AXIN1: variants seen among roughly 807,000 people sequenced by gnomAD.
The protein encoded by AXIN1 is axin-1.
AXIN1 carries 30 observed loss-of-function variants against 76.4 expected under a neutral mutation model. The observed-to-expected ratio is 0.39, with a 90% CI of 0.29 to 0.53. AXIN1 has a LOEUF of 0.53. Ranked by LOEUF, AXIN1 falls within the 20% of genes least tolerant of loss-of-function variation. The pLI, the probability that AXIN1 is intolerant of heterozygous loss-of-function variation, is 0.66. For missense variants in AXIN1, 1,140 were observed against 1,198.8 expected, an observed-to-expected ratio of 0.95 and a Z score of 0.72; for synonymous variants, 545 against 501.4, an observed-to-expected ratio of 1.09 and a Z score of -1.16.
chr16:289,894 C>T (rs34966529), intron 9 of AXIN1: 81,620 of 540,668 alleles, frequency 0.15, 6,608 homozygotes, highest in South Asian at 0.21. Flanking sequence ...CTGCAGCTCC[C>T]ACCTCTAGGA....
intron 1 of AXIN1, among the ~76,000 whole-genome samples, 161 bp from the exon 2 acceptor site, chr16:347,267 A>T (rs2054051788): frequency 6.6e-6 from 1 of 151,892 alleles, no homozygotes; most frequent in African/African-American, 2.4e-5. Context: ...GGCCACAAGC[A>T]TAGTTCTACT....
In AXIN1 at chr16:326,372, A is replaced by ATT. The variant is rs1555483772; in HGVS notation, c.879-11690_879-11689insAA. On this transcript the variant is annotated intron_variant, in intron 2 of 10. Transcript: ENST00000262320. ...TCCGTCTCAAAAAAAAAAAAAAAAAAATATATATATATATATATATATACA... is the reference window on the plus strand; with the variant it reads ...TCCGTCTCAAAAAAAAAAAAAAAAAATTATATATATATATATATATATATACA... Among the ~76,000 whole-genome samples, 29 of 86,438 alleles carry ATT rather than the reference A, an allele frequency of 3.4e-4. 1 individual carries two copies. Among genetic ancestry groups the ATT allele is most frequent in the African/African-American group, 8.7e-4 (15 of 17,154 alleles). The allele number at this position is 86,438 out of a possible 152,430, so 56.7% of individuals were successfully genotyped here.
intron 10 of AXIN1, among the ~76,000 whole-genome samples, chr16:289,082 CT>C (rs1036143075): frequency 1.4e-3 from 147 of 104,490 alleles, no homozygotes; most frequent in Admixed American, 1.3e-3. Context: ...CCTTTTTCTT[CT>C]TTTTTTTTTT....
At chr16:343,907 G>A (rs985991172) in intron 2 of AXIN1, among the ~76,000 whole-genome samples, 2 of 151,616 alleles carry the variant, frequency 1.3e-5, no homozygotes, top group Admixed American at 6.6e-5. Flanking sequence ...TCGGGAGGCA[G>A]GAGAATCACT....
chr16:292,466 G>C (rs1016017397), intron 8 of AXIN1: 1 of 152,354 alleles, frequency 6.6e-6, no homozygotes, highest in East Asian at 1.9e-4. Context: ...GAACCCTGAT[G>C]CTGGTTCGGC....
intron 2 of AXIN1, among the ~76,000 whole-genome samples, chr16:335,898 A>G (rs1360012357): frequency 6.6e-6 from 1 of 152,252 alleles, no homozygotes; most frequent in Non-Finnish European, 1.5e-5. Flanking sequence ...CAAATGAAAA[A>G]AACGGCCATT....
At chr16:328,238 A>T (rs1366142280) in intron 2 of AXIN1, among the ~76,000 whole-genome samples, 1 of 152,072 alleles carries the variant, frequency 6.6e-6, no homozygotes, top group East Asian at 1.9e-4. Flanking sequence ...CAAAATATTT[A>T]AAAAATTAGC....
Position 293,432 on chromosome 16 carries a change from A to C in AXIN1, c.2186+56T>G. On this transcript the variant is annotated intron_variant, in intron 8 of 10. Coordinates refer to ENST00000262320, the MANE Select transcript of AXIN1 (RefSeq NM_003502.4). The surrounding 1 kb of genome is among the most constrained non-coding windows in gnomAD (Gnocchi z 4.6). The stretch of plus-strand genomic sequence containing the variant: ...TCAGGCCTCGGGGAGCTTCAGCCCC[A>C]GGAGTGGTGCTGTGGTAACCCCCAA... The C allele has an allele frequency of 7.1e-6, 11 of 1,551,930 alleles. No individual in the cohort carries two copies. The highest frequency in any genetic ancestry group is 9.7e-6 in the Non-Finnish European group (11 of 1,136,558).
In AXIN1 at chr16:346,694, C is replaced by G. The variant is rs779122737; in HGVS notation, c.332G>C (p.Cys111Ser). Residue 111 changes from cysteine to serine, a missense_variant, in exon 2 of 11, where the codon TGT becomes TCT. Around this residue, in one of 3 missense-constraint regions of AXIN1, gnomAD observed 708 missense variants for 776.9 expected, o/e 0.91. Coordinates refer to ENST00000262320, the MANE Select transcript of AXIN1 (RefSeq NM_003502.4). ...AAACCAGAAGTCCAGCAAGTCGGCA[C>G]AGCCCTCCTGCTTCAGGAAAGTCCT... Reference protein sequence around the residue: ...LFRTFLKQEGCADLLDFWFAC... With the variant: ...LFRTFLKQEGSADLLDFWFAC... 3 of 1,570,736 alleles carry G rather than the reference C, an allele frequency of 1.9e-6. No individual in the cohort carries two copies. Among genetic ancestry groups the G allele is most frequent in the Non-Finnish European group, 2.6e-6 (3 of 1,158,484 alleles).
intron 2 of AXIN1, among the ~76,000 whole-genome samples, chr16:339,290 T>C (rs572544007): frequency 1.3e-3 from 181 of 138,020 alleles, no homozygotes; most frequent in Non-Finnish European, 2.2e-3. Context: ...GATCACAAGG[T>C]CAGGAGATCG....
At chr16:343,233 G>T (rs1398278300) in intron 2 of AXIN1, among the ~76,000 whole-genome samples, 1 of 152,188 alleles carries the variant, frequency 6.6e-6, no homozygotes, top group Admixed American at 6.5e-5. Flanking sequence ...TAATTTCATA[G>T]CAAAGGTTCC....
At chr16:312,678 G>T (rs1383014127) in intron 3 of AXIN1, among the ~76,000 whole-genome samples, 1 of 150,936 alleles carries the variant, frequency 6.6e-6, no homozygotes, top group African/African-American at 2.5e-5. Context: ...AATTAAACGA[G>T]GATGAAAGAA....
intron 1 of AXIN1, among the ~76,000 whole-genome samples, chr16:347,776 C>T (rs371038108): frequency 1.3e-5 from 2 of 152,192 alleles, no homozygotes; most frequent in South Asian, 2.1e-4. Flanking sequence ...TCAGCCCCAT[C>T]GACCGAGGGA....
At chr16:290,686 G>A (rs2052531332) in intron 9 of AXIN1, 2 of 250,568 alleles carry the variant, frequency 8.0e-6, no homozygotes, top group South Asian at 9.6e-5. Context: ...CTTTCTCACG[G>A]GTTCAGAGCA....
At position 346,640 on chromosome 16, in the gene AXIN1, G is replaced by A. The variant is rs2141705390; in HGVS notation, c.386C>T (p.Pro129Leu). ...FACTGFRKLEPCDSNEEKRLK... is the reference protein window; with the variant it reads ...FACTGFRKLELCDSNEEKRLK... Reference sequence around the variant, plus strand: ...CCTCTTCTCCTCGTTCGAGTCACAGGGCTCCAGCTTCCTGAAGCCAGTGCA... The same window carrying A: ...CCTCTTCTCCTCGTTCGAGTCACAGAGCTCCAGCTTCCTGAAGCCAGTGCA... Residue 129 changes from proline (P) to leucine (L), a missense_variant, in exon 2 of 11, where the codon CCC becomes CTC. Transcript: ENST00000262320. The A allele has an allele frequency of 6.3e-7, 1 of 1,581,318 alleles. No individual in the cohort carries two copies. The highest frequency in any genetic ancestry group is 2.2e-5 in the East Asian group (1 of 44,592).
At chr16:342,639 G>T (rs914709320) in intron 2 of AXIN1, among the ~76,000 whole-genome samples, 1 of 152,228 alleles carries the variant, frequency 6.6e-6, no homozygotes, top group Non-Finnish European at 1.5e-5. Context: ...CCCAGCGCAC[G>T]CACCGTGACT....
chr16:317,729 G>C (rs926058244), intron 2 of AXIN1, among the ~76,000 whole-genome samples: 34 of 152,214 alleles, frequency 2.2e-4, no homozygotes, highest in African/African-American at 6.5e-4. Flanking sequence ...TTTGCTTTAA[G>C]CATCATGCAG....
chr16:316,175 T>C (rs981600893), intron 2 of AXIN1, among the ~76,000 whole-genome samples: 2 of 152,258 alleles, frequency 1.3e-5, no homozygotes, highest in African/African-American at 4.8e-5. Flanking sequence ...TATTTTTCTT[T>C]ATATGCTCCA....
chr16:352,520 C>G lies in AXIN1; in HGVS notation c.-233G>C. Reference sequence around the variant, plus strand: ...TCTCGGCGGCTGCGGCTCGGCGGCCCGGAGGCGGACGCGGGGCAGGCCGCG... The same window carrying G: ...TCTCGGCGGCTGCGGCTCGGCGGCCGGGAGGCGGACGCGGGGCAGGCCGCG... On this transcript the variant is annotated 5_prime_UTR_variant, in exon 1 of 11. Transcript: ENST00000262320. 1.5e-6 allele frequency: 1 copy of G among 687,588 alleles called. No homozygotes were observed. The highest frequency in any genetic ancestry group is 7.5e-4 in the Middle Eastern group (1 of 1,338). The allele number at this position is 687,588 out of a possible 1,614,324, so 42.6% of individuals were successfully genotyped here. A position where few individuals can be genotyped will look rare whatever the true frequency, so the allele number is the denominator to read the frequency against.
Sources: allele counts gnomAD v4.1 joint callset (sites outside exome capture counted in the v4.1 genomes callset), GRCh38; gene constraint gnomAD v4.1.1; regional missense constraint gnomAD v4.1.1; non-coding constraint Gnocchi (gnomAD v3.1); transcripts MANE v1.5; gene names NCBI Gene and HGNC (gene_info 2026-07-23, HGNC 2026-07-21).